PSD3: variants seen among roughly 807,000 people sequenced by gnomAD.
The protein encoded by PSD3 is pleckstrin and Sec7 domain containing 3.
A neutral mutation model predicts 105.5 loss-of-function variants in PSD3; 49 were observed. The ratio of observed to expected loss-of-function variants is 0.46; its 90% CI spans 0.37 to 0.59. The LOEUF is 0.59. PSD3 is among the 20% of genes least tolerant of loss of function. PSD3 has a pLI of 0.00. For synonymous variants in PSD3, 557 were observed against 457.8 expected (o/e 1.22, Z -2.77); for missense variants, 1,561 against 1,263.8 (o/e 1.24, Z -3.57).
At chr8:18,657,705 C>A (rs74820188) in intron 9 of PSD3, among the ~76,000 whole-genome samples, 1 of 152,218 alleles carries the variant, frequency 6.6e-6, no homozygotes, top group Admixed American at 6.5e-5. Flanking sequence ...GTTGGATAAA[C>A]GCCTTTTAAA....
At chr8:18,641,740 C>T (rs1386842842) in intron 10 of PSD3, among the ~76,000 whole-genome samples, 2 of 152,094 alleles carry the variant, frequency 1.3e-5, no homozygotes, top group African/African-American at 4.8e-5. Context: ...GGGCAGAACA[C>T]TAAGGTGGCT....
intron 2 of PSD3, among the ~76,000 whole-genome samples, chr8:18,912,733 G>A (rs1586403784): frequency 6.6e-6 from 1 of 152,176 alleles, no homozygotes. Context: ...TTGAAGTTCA[G>A]AGAAAGCAGT....
At chr8:18,783,951 T>C (rs528768776) in intron 8 of PSD3, among the ~76,000 whole-genome samples, 2 of 152,370 alleles carry the variant, frequency 1.3e-5, no homozygotes, top group Admixed American at 6.5e-5. Context: ...TTCATCACTA[T>C]CTTTTAGTTC....
intron 1 of PSD3, among the ~76,000 whole-genome samples, chr8:19,033,111 AAACG>A (rs1161953583): frequency 8.5e-5 from 13 of 152,132 alleles, no homozygotes; most frequent in African/African-American, 3.1e-4. Flanking sequence ...ACAAACAAAC[AAACG>A]GAACAAAACC....
rs1007574284 is a variant in PSD3, at chr8:19,003,471, A to C, written c.21+10092T>G. On this transcript the variant is annotated intron_variant, in intron 1 of 15. Coordinates refer to ENST00000327040, the MANE Select transcript of PSD3 (RefSeq NM_015310.4). ...CTCCTGAAATTCTTCAGGAGATCCT[A>C]ATCAACCACATAAAACAAGCAAAGT... 3.3e-5 allele frequency among the ~76,000 whole-genome samples: 5 copies of C among 152,122 alleles called. No homozygotes were observed. The East Asian group carries it at 9.7e-4, about 29-fold the overall frequency.
chr8:18,855,995 A>G (rs1195664291), intron 4 of PSD3, among the ~76,000 whole-genome samples: 1 of 152,170 alleles, frequency 6.6e-6, no homozygotes, highest in African/African-American at 2.4e-5. Context: ...TTCAGTCTGG[A>G]CAATTAACAG....
chr8:18,859,720 A>G (rs1816290948), intron 4 of PSD3, among the ~76,000 whole-genome samples: 1 of 152,232 alleles, frequency 6.6e-6, no homozygotes, highest in African/African-American at 2.4e-5. Context: ...ACCCTCGGCT[A>G]GCTTCCAGCT....
rs181546920 is a variant in PSD3, at chr8:18,769,796, T to C, written c.2083-4258A>G. Among the ~76,000 whole-genome samples the C allele has an allele frequency of 3.7e-3, 557 of 152,362 alleles. 10 individuals carry two copies. Among genetic ancestry groups the C allele is most frequent in the Admixed American group, 0.031 (477 of 15,306 alleles). On this transcript the variant is annotated intron_variant, in intron 8 of 15. Coordinates refer to ENST00000327040, the MANE Select transcript of PSD3 (RefSeq NM_015310.4). ...ATGTTTTCCAAGTTCATCCATGTTG[T>C]TGCATAAATCAGTATTTAATGTCCT...
chr8:18,569,770 G>A lies in PSD3; in HGVS notation c.2784+2758C>T, dbSNP rs572455650. 3.5e-3 allele frequency among the ~76,000 whole-genome samples: 54 copies of A among 15,352 alleles called. 25 individuals carry two copies. Among genetic ancestry groups the A allele is most frequent in the African/African-American group, 6.6e-3 (54 of 8,234 alleles). 10.1% of individuals were successfully genotyped at this position (15,352 alleles called of 152,430 possible). A position where few individuals can be genotyped will look rare whatever the true frequency, so the allele number is the denominator to read the frequency against. ...CGATGCTATCCCTCCCCACTCCCCC[G>A]ACCCCACAACAGTCCCCAGAGTGTG... On this transcript the variant is annotated intron_variant, in intron 14 of 15. Transcript: ENST00000327040.
At chr8:18,854,972 G>T (rs754596612) in intron 4 of PSD3, among the ~76,000 whole-genome samples, 4 of 152,200 alleles carry the variant, frequency 2.6e-5, no homozygotes, top group African/African-American at 9.7e-5. Context: ...AACTGCCACA[G>T]AGGCATCCGA....
intron 2 of PSD3, among the ~76,000 whole-genome samples, chr8:18,875,916 C>T (rs1425410444): frequency 6.6e-6 from 1 of 152,154 alleles, no homozygotes; most frequent in Admixed American, 6.5e-5. Flanking sequence ...TTTTCTCAGC[C>T]CCTGGTAACT....
chr8:18,688,344 G>A (rs1800780415), intron 9 of PSD3, among the ~76,000 whole-genome samples: 1 of 152,058 alleles, frequency 6.6e-6, no homozygotes, highest in Non-Finnish European at 1.5e-5. Context: ...CGATACTCCT[G>A]CCTCGGCCTC....
intron 9 of PSD3, among the ~76,000 whole-genome samples, chr8:18,740,141 C>A (rs1804449866): frequency 2.0e-5 from 3 of 152,186 alleles, no homozygotes; most frequent in Admixed American, 1.3e-4. Context: ...ACTCCACATT[C>A]CCCTAGCACG....
intron 9 of PSD3, among the ~76,000 whole-genome samples, chr8:18,753,537 A>C (rs1805778293): frequency 6.6e-6 from 1 of 152,150 alleles, no homozygotes; most frequent in Non-Finnish European, 1.5e-5. Flanking sequence ...CTATGCTGCT[A>C]TCTATGGAAA....
chr8:18,897,350 A>G (rs1031744886), intron 2 of PSD3, among the ~76,000 whole-genome samples: 1 of 152,120 alleles, frequency 6.6e-6, no homozygotes, highest in South Asian at 2.1e-4. Context: ...TCTGGGTTCT[A>G]TATTCTGTTC....
rs145665098 is a variant in PSD3, at chr8:18,780,297, C to A, written c.2083-14759G>T. 3.6e-4 allele frequency among the ~76,000 whole-genome samples: 55 copies of A among 152,116 alleles called. No individual in the cohort carries two copies. The East Asian group carries it at 4.6e-3, about 13-fold the overall frequency. Reference sequence around the variant, plus strand: ...TTTCCATCCCTTCACTTTGAGTCTACGTGTCTTTACCAGTAAAGTCAGTTT... The same window carrying A: ...TTTCCATCCCTTCACTTTGAGTCTAAGTGTCTTTACCAGTAAAGTCAGTTT... On this transcript the variant is annotated intron_variant, in intron 8 of 15. Transcript: ENST00000327040.
chr8:18,852,469 TG>T (rs1815666351), intron 4 of PSD3, among the ~76,000 whole-genome samples: 1 of 152,216 alleles, frequency 6.6e-6, no homozygotes, highest in Non-Finnish European at 1.5e-5. Context: ...CTTTCTTGAG[TG>T]GGTCACATGC....
chr8:19,000,919 G>A (rs1038645460), intron 1 of PSD3: 4 of 151,750 alleles, frequency 2.6e-5, no homozygotes, highest in Admixed American at 6.6e-5. Context: ...ACATATAGTC[G>A]TCCATCGGTA....
intron 1 of PSD3, among the ~76,000 whole-genome samples, chr8:18,993,474 T>C (rs935105451): frequency 1.3e-5 from 2 of 150,350 alleles, no homozygotes; most frequent in Non-Finnish European, 3.0e-5. Context: ...CTTGACAGCA[T>C]TGCTTTAACA....
Sources: allele counts gnomAD v4.1 joint callset (sites outside exome capture counted in the v4.1 genomes callset), GRCh38; gene constraint gnomAD v4.1.1; transcripts MANE v1.5; gene names NCBI Gene and HGNC (gene_info 2026-07-23, HGNC 2026-07-21).